The following ROBO1 variants were observed in gnomAD, a reference collection of about 807,000 sequenced individuals.
ROBO1 encodes roundabout guidance receptor 1.
ROBO1 carries 149 observed loss-of-function variants against 195.9 expected under a neutral mutation model. That is an observed-to-expected ratio of 0.76 (90% CI 0.67 to 0.87). The LOEUF (loss-of-function observed/expected upper bound fraction) is 0.87. Among genes scored for constraint, ROBO1 ranks in the 40% least tolerant of loss-of-function variants. The pLI, the probability that ROBO1 is intolerant of heterozygous loss-of-function variation, is 0.00. For missense variants in ROBO1, 1,933 were observed against 2,068.3 expected (o/e 0.93, Z 1.27); for synonymous variants, 816 against 733.2 (o/e 1.11, Z -1.82).
chr3:79,539,257 G>T (rs1559975440), intron 2 of ROBO1, among the ~76,000 whole-genome samples: 1 of 152,064 alleles, frequency 6.6e-6, no homozygotes, highest in African/African-American at 2.4e-5. Context: ...CAGATAATTT[G>T]TTATGGGATA....
At chr3:79,247,706 A>G (rs1027288283) in intron 2 of ROBO1, among the ~76,000 whole-genome samples, 1 of 152,094 alleles carries the variant, frequency 6.6e-6, no homozygotes, top group African/African-American at 2.4e-5. Context: ...TTTGTGCTAC[A>G]ACGCTCACAG....
chr3:79,411,298 G>A (rs1169011830), intron 2 of ROBO1, among the ~76,000 whole-genome samples: 1 of 152,052 alleles, frequency 6.6e-6, no homozygotes, highest in African/African-American at 2.4e-5. Flanking sequence ...CAGTCCTAAA[G>A]ACTAAAATAG....
intron 2 of ROBO1, among the ~76,000 whole-genome samples, chr3:79,256,445 C>T (rs1376207484): frequency 6.6e-6 from 1 of 151,860 alleles, no homozygotes; most frequent in Non-Finnish European, 1.5e-5. Flanking sequence ...TATTAATAAA[C>T]GTTGTATACA....
chr3:79,071,413 C>A (rs1302092664), intron 3 of ROBO1, among the ~76,000 whole-genome samples: 1 of 151,574 alleles, frequency 6.6e-6, no homozygotes, highest in East Asian at 1.9e-4. Flanking sequence ...TCTCTTTAAT[C>A]CCTAAAGTAA....
chr3:78,774,415 A>G (rs1249803560), intron 4 of ROBO1, among the ~76,000 whole-genome samples: 2 of 151,378 alleles, frequency 1.3e-5, no homozygotes, highest in African/African-American at 4.9e-5. Flanking sequence ...GGTTCACGCC[A>G]TTCTCCTGCC....
intron 1 of ROBO1, among the ~76,000 whole-genome samples, chr3:79,699,463 G>A (rs779636223): frequency 2.0e-5 from 3 of 151,426 alleles, no homozygotes; most frequent in Non-Finnish European, 4.4e-5. Flanking sequence ...TTGATAAATT[G>A]ACCCCTATAT....
chr3:78,657,335 G>C, intron 17 of ROBO1, 66 bp from the exon 18 acceptor site: 1 of 1,541,126 alleles, frequency 6.5e-7, no homozygotes, highest in Non-Finnish European at 8.8e-7. Context: ...GATCAACACA[G>C]GGTTGCAGTT....
chr3:78,677,401 C>A (rs1191738820), intron 10 of ROBO1, among the ~76,000 whole-genome samples: 2 of 151,998 alleles, frequency 1.3e-5, no homozygotes, highest in Non-Finnish European at 2.9e-5. Context: ...GAGTCAACAC[C>A]CATCAGTGTG....
chr3:78,873,045 C>A (rs894824097), intron 4 of ROBO1, among the ~76,000 whole-genome samples: 1 of 152,096 alleles, frequency 6.6e-6, no homozygotes, highest in Admixed American at 6.6e-5. Flanking sequence ...TGATAATGTT[C>A]TTTCCTTTCT....
At chr3:79,575,273 A>T (rs1943433540) in intron 2 of ROBO1, among the ~76,000 whole-genome samples, 1 of 124,796 alleles carries the variant, frequency 8.0e-6, no homozygotes, top group Admixed American at 9.3e-5. Flanking sequence ...ATATATAACA[A>T]ATATATATAT....
At chr3:78,778,237 A>G (rs933989459) in intron 4 of ROBO1, among the ~76,000 whole-genome samples, 7 of 152,266 alleles carry the variant, frequency 4.6e-5, no homozygotes, top group Admixed American at 2.6e-4. Flanking sequence ...TGGGTTTGCC[A>G]GTATTTTATA....
intron 4 of ROBO1, among the ~76,000 whole-genome samples, chr3:78,784,318 C>T (rs963570867): frequency 1.3e-5 from 2 of 151,998 alleles, no homozygotes; most frequent in Non-Finnish European, 2.9e-5. Context: ...ATATCATGCC[C>T]GGCATATTCT....
chr3:78,831,886 C>G (rs1052701224), intron 4 of ROBO1, among the ~76,000 whole-genome samples: 1 of 152,164 alleles, frequency 6.6e-6, no homozygotes, highest in African/African-American at 2.4e-5. Flanking sequence ...ATCACAAGAA[C>G]AGCACAGGAA....
chr3:79,473,211 G>C (rs985664795), intron 2 of ROBO1, among the ~76,000 whole-genome samples: 1 of 152,118 alleles, frequency 6.6e-6, no homozygotes, highest in Non-Finnish European at 1.5e-5. Flanking sequence ...AGATTGGAGA[G>C]ACACAGGCAT....
intron 4 of ROBO1, among the ~76,000 whole-genome samples, chr3:78,812,729 T>C (rs1266850561): frequency 6.6e-6 from 1 of 152,078 alleles, no homozygotes; most frequent in Non-Finnish European, 1.5e-5. Flanking sequence ...CCTAGAATAG[T>C]GACTGCCACT....
At chr3:78,751,851 A>C (rs1465212524) in intron 4 of ROBO1, among the ~76,000 whole-genome samples, 1 of 152,152 alleles carries the variant, frequency 6.6e-6, no homozygotes, top group Admixed American at 6.6e-5. Context: ...TATATTAAGA[A>C]GCATTTTAAT....
At chr3:78,935,666 GAATTAGA>G (rs2039765568) in intron 4 of ROBO1, among the ~76,000 whole-genome samples, 1 of 151,886 alleles carries the variant, frequency 6.6e-6, no homozygotes, top group Non-Finnish European at 1.5e-5. Flanking sequence ...GTTTGAAATT[GAATTAGA>G]CAAATAGTGA....
intron 3 of ROBO1, among the ~76,000 whole-genome samples, chr3:79,091,000 A>G (rs1208348978): frequency 6.6e-6 from 1 of 152,126 alleles, no homozygotes; most frequent in African/African-American, 2.4e-5. Flanking sequence ...AGATTTCAGA[A>G]AGAGTGCGTT....
At chr3:78,884,403 A>G (rs1163138251) in intron 4 of ROBO1, among the ~76,000 whole-genome samples, 7 of 152,126 alleles carry the variant, frequency 4.6e-5, no homozygotes, top group Admixed American at 3.3e-4. Flanking sequence ...TTTGAGCTCA[A>G]GAGTTCAAGA....
Sources: allele counts gnomAD v4.1 joint callset (sites outside exome capture counted in the v4.1 genomes callset), GRCh38; gene constraint gnomAD v4.1.1; transcripts MANE v1.5; gene names NCBI Gene and HGNC (gene_info 2026-07-23, HGNC 2026-07-21).